SUGCT: variants seen among roughly 807,000 people sequenced by gnomAD.
SUGCT encodes the protein succinyl-CoA:glutarate-CoA transferase, also known as succinyl-CoA:glutarate CoA-transferase.
In SUGCT, 41 loss-of-function variants were observed where a neutral mutation model predicts 55.0. The ratio of observed to expected loss-of-function variants is 0.74; its 90% CI spans 0.58 to 0.97. SUGCT has a LOEUF of 0.97. Among genes scored for constraint, SUGCT ranks in the 50% least tolerant of loss-of-function variants. SUGCT has a pLI of 0.00. For missense variants in SUGCT, 568 were observed against 547.8 expected (o/e 1.04, Z -0.37); for synonymous variants, 187 against 200.4 (o/e 0.93, Z 0.56).
At chr7:40,645,007 C>T (rs1309314037) in intron 12 of SUGCT, among the ~76,000 whole-genome samples, 1 of 152,192 alleles carries the variant, frequency 6.6e-6, no homozygotes, top group Non-Finnish European at 1.5e-5. Flanking sequence ...CTGCTGGTCC[C>T]TTCTTCCTGC....
rs559553042 is a variant in SUGCT, at chr7:40,250,267, G to A, written c.576+12541G>A. On this transcript the variant is annotated intron_variant, in intron 7 of 13. Coordinates refer to ENST00000335693, the MANE Select transcript of SUGCT (RefSeq NM_001193313.2). The stretch of plus-strand genomic sequence containing the variant: ...ACAAAAAAATTAGCGGGGCGTGGAG[G>A]TGCCTGCCTGTAGTCCCAGCTACTC... 2.6e-5 allele frequency among the ~76,000 whole-genome samples: 4 copies of A among 152,094 alleles called. No individual in the cohort carries two copies. The South Asian group carries it at 8.3e-4, about 32-fold the overall frequency.
chr7:40,386,760 G>C (rs1345501042), intron 9 of SUGCT, among the ~76,000 whole-genome samples: 1 of 152,182 alleles, frequency 6.6e-6, no homozygotes, highest in East Asian at 1.9e-4. Flanking sequence ...GTGGGCCCAG[G>C]CGCTCTTAAT....
chr7:40,868,318 C>G, the SUGCT span, among the ~76,000 whole-genome samples: 1 of 152,126 alleles, frequency 6.6e-6, no homozygotes, highest in Non-Finnish European at 1.5e-5. Context: ...CCTCCCCTCA[C>G]CCCTCACCCC....
the SUGCT span, among the ~76,000 whole-genome samples, chr7:41,005,332 G>A: frequency 6.6e-6 from 1 of 152,086 alleles, no homozygotes; most frequent in Non-Finnish European, 1.5e-5. Context: ...GAAATTGAAT[G>A]TTAATATTAG....
At chr7:40,228,542 A>G (rs1788527121) in intron 6 of SUGCT, among the ~76,000 whole-genome samples, 1 of 151,868 alleles carries the variant, frequency 6.6e-6, no homozygotes, top group African/African-American at 2.4e-5. Context: ...GGCCAAAAAT[A>G]CTTCATAGAA....
At chr7:40,985,808 G>C in the SUGCT span, among the ~76,000 whole-genome samples, 10 of 152,294 alleles carry the variant, frequency 6.6e-5, no homozygotes, top group African/African-American at 1.9e-4. Flanking sequence ...GTGGACAGAA[G>C]GATTAGGGCA....
chr7:40,292,771 T>C (rs1316668847), intron 8 of SUGCT, among the ~76,000 whole-genome samples: 1 of 152,240 alleles, frequency 6.6e-6, no homozygotes, highest in African/African-American at 2.4e-5. Flanking sequence ...CACTATCTTA[T>C]CTTGTAAGCC....
chr7:40,684,085 G>T, intron 12 of SUGCT: 1 of 1,612,164 alleles, frequency 6.2e-7, no homozygotes, highest in Non-Finnish European at 8.5e-7. Context: ...AAAGCCTGCT[G>T]CATTCCTTGG....
chr7:40,658,177 T>C (rs1486790272), intron 12 of SUGCT, among the ~76,000 whole-genome samples: 4 of 152,226 alleles, frequency 2.6e-5, no homozygotes, highest in African/African-American at 9.6e-5. Flanking sequence ...TTCTGTCTGT[T>C]GGCATTTATG....
At chr7:40,803,952 G>A (rs1410842171) in intron 13 of SUGCT, among the ~76,000 whole-genome samples, 3 of 152,106 alleles carry the variant, frequency 2.0e-5, no homozygotes, top group African/African-American at 7.2e-5. Flanking sequence ...TTTCTACCTG[G>A]TCATCTAGAA....
intron 12 of SUGCT, among the ~76,000 whole-genome samples, chr7:40,708,163 A>G (rs1785519549): frequency 6.6e-6 from 1 of 152,200 alleles, no homozygotes; most frequent in Admixed American, 6.5e-5. Flanking sequence ...ATATATTAGT[A>G]CTATTGAAGT....
chr7:40,373,836 G>A (rs771586261), intron 9 of SUGCT, among the ~76,000 whole-genome samples: 3 of 152,106 alleles, frequency 2.0e-5, no homozygotes, highest in Non-Finnish European at 2.9e-5. Context: ...CTGTAAGAAT[G>A]TTTCAAATGC....
intron 13 of SUGCT, among the ~76,000 whole-genome samples, chr7:40,824,583 A>G (rs1164735567): frequency 6.6e-6 from 1 of 152,218 alleles, no homozygotes; most frequent in Non-Finnish European, 1.5e-5. Flanking sequence ...CTAAATCTCA[A>G]GTAATGATTT....
chr7:40,847,407 CTTTCTTTT>C (rs1169805780), intron 13 of SUGCT, among the ~76,000 whole-genome samples: 30 of 117,852 alleles, frequency 2.5e-4, no homozygotes, highest in African/African-American at 8.4e-4. Context: ...TCTTTTCTTT[CTTTCTTTT>C]TTTTTTTTTT....
At chr7:40,276,991 C>T (rs976076015) in intron 8 of SUGCT, among the ~76,000 whole-genome samples, 3 of 152,142 alleles carry the variant, frequency 2.0e-5, no homozygotes, top group Non-Finnish European at 4.4e-5. Flanking sequence ...GTGAGAACTA[C>T]TGTTACCAGT....
At chr7:40,674,225 T>C (rs989386667) in intron 12 of SUGCT, among the ~76,000 whole-genome samples, 1 of 152,230 alleles carries the variant, frequency 6.6e-6, no homozygotes, top group Non-Finnish European at 1.5e-5. Flanking sequence ...ATGGAGACTT[T>C]TACTATAGGA....
In SUGCT at chr7:40,689,418, T is replaced by C. The variant is rs75433548; in HGVS notation, c.1090-60016T>C. On this transcript the variant is annotated intron_variant, in intron 12 of 13. Transcript: ENST00000335693. ...AGCAAAGCAGAAAGACCATAGTTTG[T>C]TTAGAATGTCACTTTCAAGAGGATT... 9.0e-3 allele frequency among the ~76,000 whole-genome samples: 1,372 copies of C among 152,310 alleles called. 18 individuals carry two copies. The highest frequency in any genetic ancestry group is 0.031 in the African/African-American group (1,277 of 41,570).
chr7:40,150,113 G>C (rs973446351), intron 1 of SUGCT, among the ~76,000 whole-genome samples: 1 of 152,122 alleles, frequency 6.6e-6, no homozygotes, highest in Non-Finnish European at 1.5e-5. Context: ...TATGGTTTAG[G>C]AGTCATGCGG....
At chr7:40,670,364 A>T (rs1232636704) in intron 12 of SUGCT, among the ~76,000 whole-genome samples, 2 of 152,086 alleles carry the variant, frequency 1.3e-5, no homozygotes, top group African/African-American at 2.4e-5. Context: ...TCAATGAAAC[A>T]AAGGGCTGGT....
Sources: gnomAD v4.1 joint callset for allele counts (sites outside exome capture counted in the v4.1 genomes callset) on GRCh38, gnomAD v4.1.1 for gene constraint, MANE v1.5 for transcripts, NCBI Gene and HGNC (gene_info 2026-07-23, HGNC 2026-07-21) for gene names.